The following KIAA1217 variants were observed in gnomAD, a reference collection of about 807,000 sequenced individuals.
The protein encoded by KIAA1217 is sickle tail protein homolog.
Under a neutral mutation model 163.9 loss-of-function variants are expected in KIAA1217, and 88 were observed. The observed-to-expected ratio is 0.54, with a 90% confidence interval of 0.45 to 0.64. The LOEUF is 0.64. KIAA1217 is among the 30% of genes least tolerant of loss of function. The pLI is 0.00. For missense variants in KIAA1217, 2,372 were observed against 2,475.0 expected (o/e 0.96, Z 0.88); for synonymous variants, 903 against 923.1 (o/e 0.98, Z 0.39).
At chr10:24,453,513 T>G (rs762556198) in intron 5 of KIAA1217, among the ~76,000 whole-genome samples, 1 of 152,250 alleles carries the variant, frequency 6.6e-6, no homozygotes, top group Non-Finnish European at 1.5e-5. Context: ...GGCCATCATG[T>G]CAACTGAAAA....
At chr10:24,394,921 C>A (rs946984234) in intron 3 of KIAA1217, among the ~76,000 whole-genome samples, 1 of 152,148 alleles carries the variant, frequency 6.6e-6, no homozygotes, top group Non-Finnish European at 1.5e-5. Context: ...TAGCAGGAGA[C>A]GTGTTAAAGC....
At chr10:23,807,589 A>G (rs768088463) in intron 1 of KIAA1217, among the ~76,000 whole-genome samples, 2 of 152,236 alleles carry the variant, frequency 1.3e-5, no homozygotes, top group Non-Finnish European at 2.9e-5. Flanking sequence ...ATGGGAACCC[A>G]TTGAAGGCAA....
chr10:23,921,703 C>T (rs147601085), intron 1 of KIAA1217, among the ~76,000 whole-genome samples: 1 of 152,076 alleles, frequency 6.6e-6, no homozygotes, highest in Non-Finnish European at 1.5e-5. Context: ...GGTGCACCCC[C>T]CTGGCTGTTT....
At chr10:23,952,778 G>T (rs949442325) in intron 1 of KIAA1217, among the ~76,000 whole-genome samples, 3 of 152,198 alleles carry the variant, frequency 2.0e-5, no homozygotes, top group African/African-American at 4.8e-5. Flanking sequence ...TTCTGTAGAT[G>T]TAAGCTGTTA....
chr10:24,410,107 C>T lies in KIAA1217; in HGVS notation c.554-22888C>T, dbSNP rs2057626880. On this transcript the variant is annotated intron_variant, in intron 3 of 20. Coordinates refer to ENST00000376454, the MANE Select transcript of KIAA1217 (RefSeq NM_019590.5). ...CGCCTCCCGGGTTCAAGCGATTCTC[C>T]TGCCTCAGCCTCCTGAGTAGCTGCA... 3.3e-5 allele frequency among the ~76,000 whole-genome samples: 5 copies of T among 150,788 alleles called. No homozygotes were observed. The South Asian group carries it at 1.0e-3, about 31-fold the overall frequency.
At chr10:24,025,024 T>C (rs890626926) in intron 2 of KIAA1217, among the ~76,000 whole-genome samples, 3 of 151,814 alleles carry the variant, frequency 2.0e-5, no homozygotes, top group Non-Finnish European at 4.4e-5. Context: ...CTAATGTTTT[T>C]AATTGTGTAA....
chr10:24,201,464 T>C (rs2067250393), intron 2 of KIAA1217, among the ~76,000 whole-genome samples: 1 of 152,124 alleles, frequency 6.6e-6, no homozygotes, highest in Non-Finnish European at 1.5e-5. Flanking sequence ...CGATGTCATC[T>C]GGGAAATGAA....
At chr10:24,238,159 C>G (rs1043619157) in intron 2 of KIAA1217, among the ~76,000 whole-genome samples, 2 of 152,206 alleles carry the variant, frequency 1.3e-5, no homozygotes, top group Non-Finnish European at 2.9e-5. Flanking sequence ...ACTGCTGTTT[C>G]CAAAACTCTG....
chr10:23,701,124 T>G (rs1836422626), intron 1 of KIAA1217, among the ~76,000 whole-genome samples: 1 of 152,220 alleles, frequency 6.6e-6, no homozygotes, highest in Admixed American at 6.5e-5. Flanking sequence ...TTATTTAGTA[T>G]AAGACATTAT....
chr10:24,210,451 C>T (rs1483050886), intron 1 of KIAA1217, among the ~76,000 whole-genome samples: 3 of 149,072 alleles, frequency 2.0e-5, no homozygotes, highest in East Asian at 4.1e-4. Flanking sequence ...AAGGCTACCT[C>T]GTCCCCCTGA....
chr10:24,537,206 C>T (rs1301509065), intron 17 of KIAA1217, among the ~76,000 whole-genome samples: 1 of 152,000 alleles, frequency 6.6e-6, no homozygotes. Context: ...AAACAGCAAC[C>T]AAGTATTTAG....
chr10:23,762,639 T>A (rs1322452358), intron 1 of KIAA1217, among the ~76,000 whole-genome samples: 2 of 152,226 alleles, frequency 1.3e-5, no homozygotes, highest in Non-Finnish European at 2.9e-5. Flanking sequence ...GAACTATTTA[T>A]GACAAACCCA....
intron 5 of KIAA1217, among the ~76,000 whole-genome samples, chr10:24,460,685 A>G (rs1376482558): frequency 6.6e-6 from 1 of 152,172 alleles, no homozygotes; most frequent in Non-Finnish European, 1.5e-5. Context: ...CTCCACAGAC[A>G]CAGCTCACTT....
At chr10:24,351,875 A>G (rs1036242744) in intron 2 of KIAA1217, among the ~76,000 whole-genome samples, 1 of 152,124 alleles carries the variant, frequency 6.6e-6, no homozygotes, top group Non-Finnish European at 1.5e-5. Context: ...CAGTTCCCCT[A>G]ACATCACTCT....
At chr10:24,196,893 G>A (rs2067014735) in intron 2 of KIAA1217, among the ~76,000 whole-genome samples, 1 of 152,104 alleles carries the variant, frequency 6.6e-6, no homozygotes, top group Non-Finnish European at 1.5e-5. Context: ...TCACACCCTG[G>A]GGATTGAATC....
At chr10:24,468,793 C>T (rs1246355343) in intron 5 of KIAA1217, among the ~76,000 whole-genome samples, 1 of 152,182 alleles carries the variant, frequency 6.6e-6, no homozygotes, top group Non-Finnish European at 1.5e-5. Context: ...GTGTTTCCCA[C>T]ATGAATGCCC....
At chr10:24,452,945 G>GA (rs111487633) in intron 5 of KIAA1217, among the ~76,000 whole-genome samples, 1 of 151,910 alleles carries the variant, frequency 6.6e-6, no homozygotes, top group African/African-American at 2.4e-5. Context: ...AATTAAAAAT[G>GA]AAAAAAAGAA....
At chr10:23,713,435 G>A (rs1420613673) in intron 1 of KIAA1217, among the ~76,000 whole-genome samples, 3 of 152,012 alleles carry the variant, frequency 2.0e-5, no homozygotes, top group Non-Finnish European at 4.4e-5. Flanking sequence ...GACTATCATG[G>A]ACCAAAATGT....
intron 1 of KIAA1217, among the ~76,000 whole-genome samples, chr10:23,982,574 T>TCTCTCTCC (rs1203100982): frequency 2.0e-4 from 28 of 142,150 alleles, no homozygotes; most frequent in African/African-American, 7.3e-4. Flanking sequence ...TCTCTCTCTC[T>TCTCTCTCC]CTCTCTCGGC....
Sources: gnomAD v4.1 joint callset for allele counts (sites outside exome capture counted in the v4.1 genomes callset) on GRCh38, gnomAD v4.1.1 for gene constraint, MANE v1.5 for transcripts, NCBI Gene and HGNC (gene_info 2026-07-23, HGNC 2026-07-21) for gene names.